TTC28: variants seen among roughly 807,000 people sequenced by gnomAD.
The protein encoded by TTC28 is tetratricopeptide repeat domain 28.
TTC28 carries 61 observed loss-of-function variants against 198.0 expected under a neutral mutation model. The observed-to-expected ratio is 0.31, with a 90% confidence interval of 0.25 to 0.38. The LOEUF is 0.38. TTC28 is among the 10% of genes least tolerant of loss of function. The pLI is 1.00. For missense variants in TTC28, 2,678 were observed against 3,164.0 expected, an observed-to-expected ratio of 0.85 and a Z score of 3.69; for synonymous variants, 1,171 against 1,297.8, an observed-to-expected ratio of 0.90 and a Z score of 2.10.
chr22:28,560,905 C>T (rs1233115900), intron 2 of TTC28, among the ~76,000 whole-genome samples: 3 of 151,670 alleles, frequency 2.0e-5, no homozygotes, highest in Non-Finnish European at 1.5e-5. Context: ...AACAGGCACC[C>T]GCCACCATGC....
chr22:28,672,350 T>C (rs750807242), intron 1 of TTC28, among the ~76,000 whole-genome samples: 2 of 152,102 alleles, frequency 1.3e-5, no homozygotes, highest in African/African-American at 2.4e-5. Context: ...GTATTTTTAG[T>C]AGAGACAGGG....
At chr22:28,164,079 C>T (rs996538523) in intron 5 of TTC28, among the ~76,000 whole-genome samples, 14 of 152,310 alleles carry the variant, frequency 9.2e-5, no homozygotes, top group East Asian at 3.9e-4. Flanking sequence ...AACTGCAAGG[C>T]GGAAGCGAGG....
chr22:27,990,816 C>T lies in TTC28; in HGVS notation c.5554-4G>A, dbSNP rs1332068746. ...TTCCAACCATATTTTTAACAGCCTT[C>T]GGCCAGCAGATTATAAGAAAAAGAA... On this transcript the variant is annotated splice_polypyrimidine_tract_variant and splice_region_variant and intron_variant, in intron 19 of 22. Coordinates refer to ENST00000397906, the MANE Select transcript of TTC28 (RefSeq NM_001145418.2). The T allele has an allele frequency of 5.8e-6, 9 of 1,549,080 alleles. No homozygotes were observed. Among genetic ancestry groups the T allele is most frequent in the South Asian group, 1.2e-5 (1 of 83,918 alleles).
At chr22:28,316,958 G>C (rs2045362200) in intron 2 of TTC28, among the ~76,000 whole-genome samples, 1 of 151,614 alleles carries the variant, frequency 6.6e-6, no homozygotes, top group African/African-American at 2.4e-5. Flanking sequence ...TTTTTTTTTA[G>C]AGAGAGGATC....
intron 2 of TTC28, among the ~76,000 whole-genome samples, chr22:28,611,500 T>TTTTTTG (rs1275914012): frequency 7.7e-6 from 1 of 130,212 alleles, no homozygotes; most frequent in East Asian, 2.0e-4. Flanking sequence ...AAAGCCTTTT[T>TTTTTTG]TTTAATTTTT....
intron 2 of TTC28, among the ~76,000 whole-genome samples, chr22:28,399,411 G>A (rs974184351): frequency 6.8e-6 from 1 of 147,876 alleles, no homozygotes; most frequent in African/African-American, 2.5e-5. Flanking sequence ...TGACCTCCCA[G>A]GCTCAAGTAA....
chr22:28,566,469 T>C (rs543387454), intron 2 of TTC28, among the ~76,000 whole-genome samples: 16 of 152,292 alleles, frequency 1.1e-4, no homozygotes, highest in Admixed American at 9.8e-4. Context: ...CTACCACTAC[T>C]GTAACTGAGT....
rs909768268 is a variant in TTC28 at position 28,089,706 on chromosome 22, A to T, written c.3932+4374T>A. On this transcript the variant is annotated intron_variant, in intron 12 of 22. Transcript: ENST00000397906. ...AAAATAAAATAAAAAATAAAAAAAT[A>T]AAAAAAATAAAGGTTTTCAAATGTT... Among the ~76,000 whole-genome samples, 10 of 150,556 alleles carry T rather than the reference A, an allele frequency of 6.6e-5. No individual in the cohort carries two copies. The South Asian group carries it at 1.7e-3, about 25-fold the overall frequency.
intron 2 of TTC28, among the ~76,000 whole-genome samples, chr22:28,318,975 T>TG (rs2045400999): frequency 6.6e-6 from 1 of 151,778 alleles, no homozygotes; most frequent in South Asian, 2.1e-4. Context: ...CGTGCCACCA[T>TG]GCCTGGCTAA....
chr22:27,987,112 G>A (rs1425451511), intron 21 of TTC28, among the ~76,000 whole-genome samples: 1 of 152,154 alleles, frequency 6.6e-6, no homozygotes, highest in Non-Finnish European at 1.5e-5. Context: ...CCAGATGACA[G>A]GCCTACCGGA....
At chr22:28,655,105 T>C (rs1176899181) in intron 1 of TTC28, among the ~76,000 whole-genome samples, 3 of 152,218 alleles carry the variant, frequency 2.0e-5, no homozygotes, top group African/African-American at 7.2e-5. Context: ...AGGACATCAC[T>C]TATAACTGAT....
chr22:28,421,632 C>T (rs1280341322), intron 2 of TTC28, among the ~76,000 whole-genome samples: 3 of 152,050 alleles, frequency 2.0e-5, no homozygotes, highest in African/African-American at 7.2e-5. Context: ...AACAAAATGT[C>T]AATAACTGCT....
chr22:28,460,267 T>C (rs773986045), intron 2 of TTC28, among the ~76,000 whole-genome samples: 4 of 152,170 alleles, frequency 2.6e-5, no homozygotes, highest in African/African-American at 9.7e-5. Flanking sequence ...AGGTTGATTG[T>C]GGTGGGATGC....
intron 5 of TTC28, among the ~76,000 whole-genome samples, chr22:28,238,238 A>G (rs1349662006): frequency 2.6e-5 from 4 of 152,126 alleles, no homozygotes; most frequent in Non-Finnish European, 4.4e-5. Context: ...ATAGTATCCA[A>G]TGGATCACTG....
chr22:28,252,547 C>T (rs1010022227), intron 5 of TTC28, among the ~76,000 whole-genome samples: 6 of 152,162 alleles, frequency 3.9e-5, no homozygotes, highest in Admixed American at 2.0e-4. Flanking sequence ...CATTTACTTG[C>T]AATAAGTTAG....
chr22:28,214,355 A>T (rs1163300316), intron 5 of TTC28, among the ~76,000 whole-genome samples: 5 of 152,142 alleles, frequency 3.3e-5, no homozygotes, highest in Admixed American at 1.3e-4. Flanking sequence ...ACCTACAGAA[A>T]GGGAGAAAAT....
chr22:28,170,207 G>T (rs376468954), intron 5 of TTC28, among the ~76,000 whole-genome samples: 13 of 152,066 alleles, frequency 8.5e-5, no homozygotes, highest in African/African-American at 3.1e-4. Context: ...TGGAAATTAG[G>T]CCGGGTGCGG....
chr22:28,500,936 C>T (rs1825215997), intron 2 of TTC28, among the ~76,000 whole-genome samples: 1 of 152,080 alleles, frequency 6.6e-6, no homozygotes, highest in Admixed American at 6.5e-5. Flanking sequence ...TATATTTGCC[C>T]TTAATTTGCT....
chr22:28,651,642 G>A (rs2051565893), intron 1 of TTC28, among the ~76,000 whole-genome samples: 1 of 146,256 alleles, frequency 6.8e-6, no homozygotes, highest in African/African-American at 2.5e-5. Flanking sequence ...AAACTCCTTG[G>A]CTCAAGCGAT....
Sources: allele counts gnomAD v4.1 joint callset (sites outside exome capture counted in the v4.1 genomes callset), GRCh38; gene constraint gnomAD v4.1.1; transcripts MANE v1.5; gene names NCBI Gene and HGNC (gene_info 2026-07-23, HGNC 2026-07-21).